The following LMBRD1 variants were observed in gnomAD, a reference collection of about 807,000 sequenced individuals.
The protein encoded by LMBRD1 is LMBR1 domain containing 1, also known as lysosomal cobalamin transport escort protein LMBD1.
In LMBRD1, 64 loss-of-function variants were observed where a neutral mutation model predicts 74.8. That is an observed-to-expected ratio of 0.86 (90% confidence interval 0.70 to 1.05). LMBRD1 has a LOEUF of 1.05. Among genes scored for constraint, LMBRD1 ranks in the 50% least tolerant of loss-of-function variants. LMBRD1 has a pLI of 0.00. For missense variants in LMBRD1, 652 were observed against 645.9 expected (o/e 1.01, Z -0.10); for synonymous variants, 204 against 216.3 (o/e 0.94, Z 0.50).
chr6:69,722,533 A>C (rs1012305840), intron 7 of LMBRD1, among the ~76,000 whole-genome samples: 1 of 152,198 alleles, frequency 6.6e-6, no homozygotes, highest in African/African-American at 2.4e-5. Flanking sequence ...AAAAGTTTAA[A>C]AGCAGGAGGA....
At chr6:69,787,482 T>C (rs1430347376) in intron 2 of LMBRD1, among the ~76,000 whole-genome samples, 2 of 152,196 alleles carry the variant, frequency 1.3e-5, no homozygotes, top group African/African-American at 4.8e-5. Context: ...CAGGGGCTCA[T>C]GGCTGTAATC....
intron 12 of LMBRD1, 121 bp downstream of exon 12, chr6:69,700,644 G>GT: frequency 1.6e-6 from 1 of 642,242 alleles, no homozygotes; most frequent in African/African-American, 1.9e-5. Context: ...GAAAAGGCTA[G>GT]TATTTCTCTC....
At chr6:69,782,765 T>C (rs1765866994) in intron 2 of LMBRD1, among the ~76,000 whole-genome samples, 1 of 152,106 alleles carries the variant, frequency 6.6e-6, no homozygotes, top group Admixed American at 6.5e-5. Context: ...GTGGGAGAGT[T>C]TCTCTCTTTG....
At chr6:69,697,776 G>T in intron 13 of LMBRD1, 135 bp from the exon 14 acceptor site, 1 of 589,848 alleles carries the variant, frequency 1.7e-6, no homozygotes, top group Non-Finnish European at 3.0e-6. Context: ...TAAATTTTGT[G>T]CAACATTGCT....
At chr6:69,777,444 C>CAA (rs71741122) in intron 3 of LMBRD1, among the ~76,000 whole-genome samples, 4,098 of 103,916 alleles carry the variant, frequency 0.039, 127 homozygotes, top group African/African-American at 0.11. Context: ...GACTCTGTTG[C>CAA]AAAAAAAAAA....
chr6:69,674,855 C>A lies in LMBRD1; in HGVS notation c.*1303G>T, dbSNP rs1278054443. Among the ~76,000 whole-genome samples, 2 of 152,080 alleles carry A rather than the reference C, an allele frequency of 1.3e-5. No homozygotes were observed. The highest frequency in any genetic ancestry group is 2.4e-5 in the African/African-American group (1 of 41,412). Reference sequence around the variant, plus strand: ...AGGCATGGTGGCACATGCCTGTAATCCCAGCTACTCAGGAGGCTGAGGCAG... The same window carrying A: ...AGGCATGGTGGCACATGCCTGTAATACCAGCTACTCAGGAGGCTGAGGCAG... On this transcript the variant is annotated 3_prime_UTR_variant, in exon 16 of 16. Coordinates refer to ENST00000649934, the MANE Select transcript of LMBRD1 (RefSeq NM_018368.4).
At chr6:69,764,600 T>C (rs1282451814) in intron 3 of LMBRD1, among the ~76,000 whole-genome samples, 1 of 152,232 alleles carries the variant, frequency 6.6e-6, no homozygotes, top group Non-Finnish European at 1.5e-5. Flanking sequence ...GATCTTTCTA[T>C]GGGTTTTTAA....
chr6:69,796,638 C>G (rs1582175721), intron 1 of LMBRD1, among the ~76,000 whole-genome samples, 175 bp downstream of exon 1: 1 of 152,154 alleles, frequency 6.6e-6, no homozygotes. Flanking sequence ...AATCGACACC[C>G]CCCTGCCCCC....
chr6:69,705,939 T>C lies in LMBRD1; in HGVS notation c.916-3986A>G. The C allele has an allele frequency of 3.4e-6, 4 of 1,185,124 alleles. No homozygotes were observed. In the Admixed American group the frequency reaches 6.8e-5, roughly 20 times the overall value. 73.4% of individuals were successfully genotyped at this position (1,185,124 alleles called of 1,614,324 possible). On this transcript the variant is annotated intron_variant, in intron 9 of 15. Coordinates refer to ENST00000649934, the MANE Select transcript of LMBRD1 (RefSeq NM_018368.4). ...CAGACATTTTCAAAGTTGCCAGTGT[T>C]ACTTTAATTGGACTGCCTTTGTAAT...
chr6:69,697,893 AT>A (rs1219694938), intron 13 of LMBRD1, among the ~76,000 whole-genome samples: 2 of 152,076 alleles, frequency 1.3e-5, no homozygotes, highest in Non-Finnish European at 2.9e-5. Flanking sequence ...AACAAATTCC[AT>A]TTTTAATACA....
intron 6 of LMBRD1, among the ~76,000 whole-genome samples, chr6:69,740,609 A>C (rs907699055): frequency 7.2e-5 from 11 of 152,190 alleles, no homozygotes; most frequent in African/African-American, 2.4e-4. Context: ...TCTTAAGTGG[A>C]AAGCAAGAAA....
intron 13 of LMBRD1, among the ~76,000 whole-genome samples, chr6:69,698,604 T>A (rs998317491): frequency 4.6e-5 from 7 of 151,900 alleles, no homozygotes; most frequent in African/African-American, 1.7e-4. Flanking sequence ...AGGATACCCA[T>A]CATGTTAAAA....
intron 2 of LMBRD1, among the ~76,000 whole-genome samples, chr6:69,784,295 T>C (rs965817250): frequency 2.6e-5 from 4 of 152,232 alleles, no homozygotes; most frequent in Non-Finnish European, 5.9e-5. Context: ...AGGATATGAA[T>C]TCCACAGAAC....
chr6:69,790,576 G>A (rs779243994), intron 1 of LMBRD1, 104 bp from the exon 2 acceptor site: 4 of 1,109,694 alleles, frequency 3.6e-6, no homozygotes, highest in Non-Finnish European at 5.4e-6. Context: ...TGAAGTAAAG[G>A]TTATTTTAGT....
At chr6:69,686,176 T>C (rs1054411343) in intron 14 of LMBRD1, among the ~76,000 whole-genome samples, 9 of 152,230 alleles carry the variant, frequency 5.9e-5, no homozygotes, top group Non-Finnish European at 1.2e-4. Context: ...CTATTCATTA[T>C]AAACATTCTT....
In LMBRD1 at chr6:69,718,981, T is replaced by G. The variant is rs1349974586; in HGVS notation, c.737A>C (p.Gln246Pro). ...TTTTGATTTAATCGTTTGAATGTGT[T>G]GTTCTACTTCTTCAATGTCTTCAGT... ...ENTEDIEEVE[Q>P]HIQTIKSKSK... Residue 246 changes from glutamine to proline, a missense_variant, in exon 8 of 16, where the codon CAA becomes CCA. By Grantham distance (76) the Gln-to-Pro change is moderately conservative. Around this residue, in one of 3 missense-constraint regions of LMBRD1, gnomAD observed 598 missense variants for 581.8 expected, o/e 1.03. Coordinates refer to ENST00000649934, the MANE Select transcript of LMBRD1 (RefSeq NM_018368.4). 9 of 1,613,546 alleles carry G rather than the reference T, an allele frequency of 5.6e-6. No individual in the cohort carries two copies. The highest frequency in any genetic ancestry group is 7.6e-6 in the Non-Finnish European group (9 of 1,179,646).
intron 8 of LMBRD1, among the ~76,000 whole-genome samples, chr6:69,717,755 C>G (rs181095360): frequency 1.3e-5 from 2 of 152,210 alleles, no homozygotes; most frequent in East Asian, 3.9e-4. Flanking sequence ...TGGAGTGCAG[C>G]GGCACGATCA....
At chr6:69,695,177 T>C (rs1765967022) in intron 14 of LMBRD1, among the ~76,000 whole-genome samples, 1 of 129,422 alleles carries the variant, frequency 7.7e-6, no homozygotes, top group Non-Finnish European at 1.8e-5. Context: ...ATTCATCCTT[T>C]CTGACATTTT....
chr6:69,682,607 A>T (rs143851957), intron 14 of LMBRD1, among the ~76,000 whole-genome samples: 5 of 152,048 alleles, frequency 3.3e-5, no homozygotes. Flanking sequence ...CACAATCTGT[A>T]TAAGTGAACT....
Sources: allele counts gnomAD v4.1 joint callset (sites outside exome capture counted in the v4.1 genomes callset), GRCh38; gene constraint gnomAD v4.1.1; regional missense constraint gnomAD v4.1.1; transcripts MANE v1.5; gene names NCBI Gene and HGNC (gene_info 2026-07-23, HGNC 2026-07-21).